The following NPC1 variants were observed in gnomAD, a reference collection of about 807,000 sequenced individuals.
The protein encoded by NPC1 is Niemann-Pick C1 protein.
In NPC1, 85 loss-of-function variants were observed where a neutral mutation model predicts 140.4. The ratio of observed to expected loss-of-function variants is 0.61; its 90% CI spans 0.51 to 0.72. NPC1 has a LOEUF of 0.72. Ranked by LOEUF, NPC1 falls within the 30% of genes least tolerant of loss-of-function variation. The pLI is 0.00. For synonymous variants in NPC1, 656 were observed against 624.8 expected (o/e 1.05, Z -0.74); for missense variants, 1,504 against 1,623.8 (o/e 0.93, Z 1.27).
chr18:23,535,755 G>A (rs372756851), intron 21 of NPC1, 55 bp from the exon 22 acceptor site: 52 of 1,162,004 alleles, frequency 4.5e-5, no homozygotes, highest in African/African-American at 3.6e-4. Flanking sequence ...CGAACACTGC[G>A]TGTTCATCCT....
chr18:23,576,385 G>A (rs933379477), intron 1 of NPC1: 1 of 680,982 alleles, frequency 1.5e-6, no homozygotes, highest in Non-Finnish European at 1.8e-6. Flanking sequence ...TAGCACCTCT[G>A]CACTCCAGCC....
chr18:23,545,070 G>T lies in NPC1; in HGVS notation c.1837C>A (p.Leu613Ile). The change falls in exon 12 of 25, where the codon CTA (leucine) becomes ATA (isoleucine). Residue 613 changes from leucine to isoleucine, a missense_variant. Physicochemically the swap from Leu to Ile is conservative, Grantham distance 5. Transcript: ENST00000269228. ...ACATCACTGTCACTTTCACGATTTA[G>T]TTCATCTTCAATACTTCGTTCAGCA... The part of the protein sequence containing the change: ...FTAERSIEDE[L>I]NRESDSDVFT... 1 of 1,611,620 alleles carries T rather than the reference G, an allele frequency of 6.2e-7. No individual in the cohort carries two copies. The highest frequency in any genetic ancestry group is 8.5e-7 in the Non-Finnish European group (1 of 1,178,154).
chr18:23,507,944 C>T (rs2057755608), intron 3 of NPC1: 8 of 1,595,624 alleles, frequency 5.0e-6, no homozygotes, highest in Non-Finnish European at 6.8e-6. Context: ...AGTATGCTGC[C>T]TAATCCAAAT....
chr18:23,540,419 A>T, intron 17 of NPC1, 29 bp downstream of exon 17: 1 of 575,456 alleles, frequency 1.7e-6, no homozygotes, highest in Non-Finnish European at 2.5e-6. Flanking sequence ...AAAGAAGTTA[A>T]AAAAAAAAAA....
chr18:23,525,852 C>T (rs1298395423), downstream of NPC1, among the ~76,000 whole-genome samples: 2 of 152,230 alleles, frequency 1.3e-5, no homozygotes, highest in East Asian at 1.9e-4. Flanking sequence ...TGCCTTTCCT[C>T]TGGAATTCCT....
rs1555634422 is a variant in NPC1 at position 23,544,402 on chromosome 18, G to A, written c.2072C>T (p.Pro691Leu). 3 of 1,614,150 alleles carry A rather than the reference G, an allele frequency of 1.9e-6. No individual in the cohort carries two copies. The highest frequency in any genetic ancestry group is 2.5e-6 in the Non-Finnish European group (3 of 1,180,026). ...CACTCCAACAGCCAGCACCAGGAAC[G>A]GGATGACTTCAATCACAATGAGGGT... Reference protein sequence around the residue: ...PLTLIVIEVIPFLVLAVGVDN... With the variant: ...PLTLIVIEVILFLVLAVGVDN... The change falls in exon 13 of 25, where the codon CCG (proline) becomes CTG (leucine). Residue 691 changes from proline to leucine, a missense_variant. By Grantham distance (98) the Pro-to-Leu change is moderately conservative. Transcript: ENST00000269228.
At chr18:23,563,977 A>G (rs2059082310) in intron 4 of NPC1, among the ~76,000 whole-genome samples, 1 of 137,572 alleles carries the variant, frequency 7.3e-6, no homozygotes, top group African/African-American at 2.7e-5. Flanking sequence ...TTTATCATTG[A>G]GTAGTAAGAG....
chr18:23,553,739 C>T (rs1308994504), intron 9 of NPC1, among the ~76,000 whole-genome samples: 1 of 152,174 alleles, frequency 6.6e-6, no homozygotes, highest in East Asian at 1.9e-4. Flanking sequence ...TGGGAGAAGC[C>T]TTAAGATTCC....
chr18:23,581,020 T>A (rs2059349907), intron 1 of NPC1, among the ~76,000 whole-genome samples: 3 of 152,338 alleles, frequency 2.0e-5, no homozygotes, highest in African/African-American at 7.2e-5. Context: ...ATATTTTGAG[T>A]GCTAGGTGTG....
At chr18:23,576,630 G>C (rs2059284290) in intron 1 of NPC1, 1 of 253,696 alleles carries the variant, frequency 3.9e-6, no homozygotes, top group Non-Finnish European at 6.3e-6. Context: ...GGCGCGTCTG[G>C]AATCTGTCCC....
chr18:23,573,305 C>T lies in NPC1; in HGVS notation c.180+147G>A, dbSNP rs59601213. 5.9e-4 allele frequency: 661 copies of T among 1,119,196 alleles called. 3 individuals are homozygous for T. In the African/African-American group the frequency reaches 8.9e-3, roughly 15 times the overall value. The allele number at this position is 1,119,196 out of a possible 1,614,324, so 69.3% of individuals were successfully genotyped here. A position where few individuals can be genotyped will look rare whatever the true frequency, so the allele number is the denominator to read the frequency against. On this transcript the variant is annotated intron_variant, in intron 2 of 24. Transcript: ENST00000269228. ...GGTGTTCTTTCTCTGCACTGTATGC[C>T]ACAGGTTAGAGTTTGAGAGTCCGGG...
chr18:23,526,507 T>C, downstream of NPC1: 2 of 1,088,486 alleles, frequency 1.8e-6, no homozygotes, highest in Non-Finnish European at 2.6e-6. Context: ...AAGGAAAAGC[T>C]ACACTGACTG....
downstream of NPC1, chr18:23,527,851 C>T (rs1327141572): frequency 6.2e-7 from 1 of 1,613,988 alleles, no homozygotes; most frequent in African/African-American, 1.3e-5. Context: ...TTTTGATAAA[C>T]TCAACCATGA....
chr18:23,576,196 C>T (rs917556029), intron 1 of NPC1, among the ~76,000 whole-genome samples: 1 of 152,052 alleles, frequency 6.6e-6, no homozygotes, highest in African/African-American at 2.4e-5. Flanking sequence ...TACACTCCAG[C>T]CTGGGCAACA....
chr18:23,573,014 G>A (rs1173728701), intron 2 of NPC1, among the ~76,000 whole-genome samples: 3 of 152,262 alleles, frequency 2.0e-5, no homozygotes, highest in Non-Finnish European at 4.4e-5. Flanking sequence ...AATCCTGGTA[G>A]CAGCCAAAAT....
chr18:23,582,806 GAAAAA>G (rs5823397), intron 1 of NPC1, among the ~76,000 whole-genome samples: 1 of 138,040 alleles, frequency 7.2e-6, no homozygotes, highest in Non-Finnish European at 1.6e-5. Flanking sequence ...ACCTGGTCTT[GAAAAA>G]AAAAAAAAAA....
At chr18:23,541,502 C>CAT (rs2058713727) in intron 14 of NPC1, 69 bp from the exon 15 acceptor site, 6 of 1,603,542 alleles carry the variant, frequency 3.7e-6, no homozygotes, top group Non-Finnish European at 5.1e-6. Flanking sequence ...GTCTTATGTT[C>CAT]ATGTGCATGT....
Position 23,544,948 on chromosome 18 carries a change from C to CCG in NPC1, c.1947+11_1947+12insCG, listed in dbSNP as rs1555634671. The stretch of plus-strand genomic sequence containing the variant: ...TAACCTCTAGAACATACACCACCCC[C>CCG]CCCCGGCTTACCAGAAGCCTGCGAC... On this transcript the variant is annotated intron_variant, in intron 12 of 24. Coordinates refer to ENST00000269228, the MANE Select transcript of NPC1 (RefSeq NM_000271.5). The CCG allele has an allele frequency of 2.2e-6, 3 of 1,379,530 alleles. No individual in the cohort carries two copies. Among genetic ancestry groups the CCG allele is most frequent in the Admixed American group, 1.8e-5 (1 of 56,812 alleles). The allele number at this position is 1,379,530 out of a possible 1,614,324, so 85.5% of individuals were successfully genotyped here.
intron 3 of NPC1, among the ~76,000 whole-genome samples, chr18:23,512,244 C>A (rs1213993803): frequency 1.3e-5 from 2 of 152,014 alleles, no homozygotes; most frequent in Non-Finnish European, 1.5e-5. Flanking sequence ...TGGTCTTGAA[C>A]CCCTGGCCTC....
Sources: gnomAD v4.1 joint callset for allele counts (sites outside exome capture counted in the v4.1 genomes callset) on GRCh38, gnomAD v4.1.1 for gene constraint, MANE v1.5 for transcripts, NCBI Gene and HGNC (gene_info 2026-07-23, HGNC 2026-07-21) for gene names.